Variants in SAMHD1 observed in about 807,000 individuals in gnomAD.
SAMHD1 encodes the protein deoxynucleoside triphosphate triphosphohydrolase SAMHD1.
In SAMHD1, 54 loss-of-function variants were observed where a neutral mutation model predicts 79.6. The ratio of observed to expected loss-of-function variants is 0.68; its 90% CI spans 0.55 to 0.85. The LOEUF (loss-of-function observed/expected upper bound fraction) is 0.85. Among genes scored for constraint, SAMHD1 ranks in the 40% least tolerant of loss-of-function variants. The probability of loss-of-function intolerance (pLI) is 0.00; values close to 1 mark genes in which losing one functional copy is unlikely to be tolerated. For missense variants in SAMHD1, 663 were observed against 782.7 expected, an observed-to-expected ratio of 0.85 and a Z score of 1.82; for synonymous variants, 260 against 264.1, an observed-to-expected ratio of 0.98 and a Z score of 0.15.
In SAMHD1 at chr20:36,947,486, TGTGTGA is replaced by T. The variant is rs1318274399; in HGVS notation, c.209-688_209-683del. ...CTCTGATTTGGAAGAGGTGTGTGTG[TGTGTGA>T]GTGTGTGTGTGTGTGTGTGTGTCCT... On this transcript the variant is annotated intron_variant, in intron 1 of 15. Coordinates refer to ENST00000646673, the MANE Select transcript of SAMHD1 (RefSeq NM_015474.4). Among the ~76,000 whole-genome samples, 73 of 134,070 alleles carry T rather than the reference TGTGTGA, an allele frequency of 5.4e-4. 1 individual carries two copies. Among genetic ancestry groups the T allele is most frequent in the Admixed American group, 1.2e-3 (16 of 13,204 alleles). 88.0% of individuals were successfully genotyped at this position (134,070 alleles called of 152,430 possible).
chr20:36,896,915 C>T (rs1050556099), intron 15 of SAMHD1, among the ~76,000 whole-genome samples: 1 of 151,924 alleles, frequency 6.6e-6, no homozygotes, highest in African/African-American at 2.4e-5. Context: ...CCTAAACAGT[C>T]TCAGCTCATT....
At chr20:36,896,635 G>C (rs1990203780) in intron 15 of SAMHD1, among the ~76,000 whole-genome samples, 1 of 151,970 alleles carries the variant, frequency 6.6e-6, no homozygotes. Flanking sequence ...AGGAGATAGA[G>C]ACCATCCTGG....
rs2148359699 is a variant in SAMHD1, at chr20:36,904,193, T to C, written c.1467A>G (p.Leu489=). 1 of 1,613,844 alleles carries C rather than the reference T, an allele frequency of 6.2e-7. No homozygotes were observed. The highest frequency in any genetic ancestry group is 8.5e-7 in the Non-Finnish European group (1 of 1,179,752). The change falls in exon 13 of 16, where the codon CTA becomes CTG. Residue 489 remains leucine, a synonymous_variant. Coordinates refer to ENST00000646673, the MANE Select transcript of SAMHD1 (RefSeq NM_015474.4). ...AATCTTCAGCCTTCAGTTTCACGTC[T>C]AGCAATACTTTGGGTTTAGCACTGG... is the stretch of plus-strand genomic sequence containing the variant. ...EVASAKPKVL[L]DVKLKAEDFI... is the part of the protein sequence containing the mutation.
rs968013512 is a variant in SAMHD1, at chr20:36,892,898, G to A, written c.*34C>T. Reference sequence around the variant, plus strand: ...TGAAGCCTCTAAATGAATTGTGCAGGAGAGGGAGTTTGTAAACAACTGACT... The same window carrying A: ...TGAAGCCTCTAAATGAATTGTGCAGAAGAGGGAGTTTGTAAACAACTGACT... On this transcript the variant is annotated 3_prime_UTR_variant, in exon 16 of 16. Transcript: ENST00000646673. 1 of 1,613,154 alleles carries A rather than the reference G, an allele frequency of 6.2e-7. No individual in the cohort carries two copies. The highest frequency in any genetic ancestry group is 8.5e-7 in the Non-Finnish European group (1 of 1,179,174).
chr20:36,923,136 G>C (rs1319110779), intron 6 of SAMHD1, among the ~76,000 whole-genome samples: 1 of 151,996 alleles, frequency 6.6e-6, no homozygotes, highest in Non-Finnish European at 1.5e-5. Context: ...GAGTAGCTGG[G>C]ACTACAGGTG....
At chr20:36,919,338 T>C (rs754493328) in intron 7 of SAMHD1, 26 bp downstream of exon 7, 3 of 1,610,460 alleles carry the variant, frequency 1.9e-6, no homozygotes, top group Non-Finnish European at 2.5e-6. Context: ...ACCAGTCAGT[T>C]AAAATTAAGC....
intron 3 of SAMHD1, 145 bp from the exon 4 acceptor site, chr20:36,935,334 T>A (rs2063596369): frequency 2.9e-6 from 2 of 697,034 alleles, no homozygotes; most frequent in Admixed American, 4.4e-5. Flanking sequence ...GATGTTAACA[T>A]CATTACCTTA....
At chr20:36,910,615 A>C (rs1379693995) in intron 11 of SAMHD1, among the ~76,000 whole-genome samples, 1 of 151,522 alleles carries the variant, frequency 6.6e-6, no homozygotes, top group Non-Finnish European at 1.5e-5. Flanking sequence ...CTATAATCTC[A>C]GCTACCCAGG....
intron 6 of SAMHD1, among the ~76,000 whole-genome samples, chr20:36,924,727 C>A (rs528921680): frequency 2.0e-5 from 3 of 152,114 alleles, no homozygotes; most frequent in African/African-American, 4.8e-5. Flanking sequence ...ATAAAAATTT[C>A]TTTTCTTCTT....
chr20:36,916,176 G>C (rs2063473914), intron 9 of SAMHD1, among the ~76,000 whole-genome samples: 1 of 151,874 alleles, frequency 6.6e-6, no homozygotes, highest in African/African-American at 2.4e-5. Context: ...AAAAAAGAGA[G>C]AGACTCTGGA....
At chr20:36,927,016 A>G in intron 6 of SAMHD1, 166 bp downstream of exon 6, 1 of 615,008 alleles carries the variant, frequency 1.6e-6, no homozygotes. Context: ...GACTACTGTG[A>G]GAACCAAACA....
In SAMHD1 at chr20:36,892,813, T is replaced by C; in HGVS notation, c.*119A>G. The C allele has an allele frequency of 7.7e-7, 1 of 1,296,816 alleles. No individual in the cohort carries two copies. The highest frequency in any genetic ancestry group is 1.1e-6 in the Non-Finnish European group (1 of 891,322). The allele number at this position is 1,296,816 out of a possible 1,614,324, so 80.3% of individuals were successfully genotyped here. ...AAAAGTTACTTAGCTTCAGCATGCG[T>C]GTACATTCAAAATACAAAATTAAAG... On this transcript the variant is annotated 3_prime_UTR_variant, in exon 16 of 16. Transcript: ENST00000646673.
chr20:36,916,922 A>C, intron 8 of SAMHD1, 27 bp downstream of exon 8: 1 of 1,588,846 alleles, frequency 6.3e-7, no homozygotes, highest in Non-Finnish European at 8.6e-7. Flanking sequence ...TATTTTAGCC[A>C]ACTTTTCAGA....
At chr20:36,905,200 C>A in intron 12 of SAMHD1, 164 bp downstream of exon 12, 1 of 736,670 alleles carries the variant, frequency 1.4e-6, no homozygotes, top group Non-Finnish European at 2.3e-6. Context: ...GCCTCAGTTT[C>A]TCTATCTGTA....
At chr20:36,941,999 C>T (rs2063647546) in intron 2 of SAMHD1, among the ~76,000 whole-genome samples, 1 of 152,122 alleles carries the variant, frequency 6.6e-6, no homozygotes, top group African/African-American at 2.4e-5. Context: ...TATAGGTGGA[C>T]TTAGTTTAAG....
intron 7 of SAMHD1, 54 bp downstream of exon 7, chr20:36,919,310 A>C (rs2146119337): frequency 6.5e-7 from 1 of 1,547,446 alleles, no homozygotes; most frequent in African/African-American, 1.4e-5. Flanking sequence ...GGAATCATGA[A>C]AAGGCTAGAT....
In SAMHD1 at chr20:36,935,180, C is replaced by A; in HGVS notation, c.358G>T (p.Asp120Tyr). The change falls in exon 4 of 16, where the codon GAT becomes TAT. Residue 120 changes from aspartate to tyrosine, a missense_variant. Asp to Tyr is a radical substitution (Grantham distance 160, BLOSUM62 -3). Coordinates refer to ENST00000646673, the MANE Select transcript of SAMHD1 (RefSeq NM_015474.4). ...IHVDTMKVIN[D>Y]PIHGHIELHP... Reference sequence around the variant, plus strand: ...AGCTCAATGTGGCCATGGATAGGATCATTAATTACCTAGAAAATTATGTTT... The same window carrying A: ...AGCTCAATGTGGCCATGGATAGGATAATTAATTACCTAGAAAATTATGTTT... 1 of 1,611,848 alleles carries A rather than the reference C, an allele frequency of 6.2e-7. No individual in the cohort carries two copies. The highest frequency in any genetic ancestry group is 1.7e-5 in the Admixed American group (1 of 60,002).
At chr20:36,929,281 G>C (rs1306434927) in intron 5 of SAMHD1, among the ~76,000 whole-genome samples, 1 of 151,950 alleles carries the variant, frequency 6.6e-6, no homozygotes. Flanking sequence ...AAGTCTCCGG[G>C]GGACATAAAA....
intron 9 of SAMHD1, among the ~76,000 whole-genome samples, chr20:36,914,967 G>T (rs549829014): frequency 6.6e-6 from 1 of 151,842 alleles, no homozygotes; most frequent in Non-Finnish European, 1.5e-5. Flanking sequence ...ATCTGAGATC[G>T]CACCACTACA....
Sources: gnomAD v4.1 joint callset for allele counts (sites outside exome capture counted in the v4.1 genomes callset) on GRCh38, gnomAD v4.1.1 for gene constraint, MANE v1.5 for transcripts, NCBI Gene and HGNC (gene_info 2026-07-23, HGNC 2026-07-21) for gene names.